The following LRBA variants were observed in gnomAD, a reference collection of about 807,000 sequenced individuals.
LRBA encodes the protein lipopolysaccharide-responsive and beige-like anchor protein.
In LRBA, 176 loss-of-function variants were observed where a neutral mutation model predicts 330.0. The ratio of observed to expected loss-of-function variants is 0.53; its 90% CI spans 0.47 to 0.60. LRBA has a LOEUF of 0.60. LRBA is among the 20% of genes least tolerant of loss of function. The pLI is 0.00. For synonymous variants in LRBA, 1,230 were observed against 1,193.0 expected (o/e 1.03, Z -0.64); for missense variants, 3,259 against 3,444.8 (o/e 0.95, Z 1.35).
chr4:150,930,080 C>T (rs1734314239), intron 2 of LRBA, among the ~76,000 whole-genome samples: 1 of 151,814 alleles, frequency 6.6e-6, no homozygotes, highest in Non-Finnish European at 1.5e-5. Context: ...TTTGGGAGAC[C>T]GAGGCAGGCG....
At chr4:150,867,476 AATT>A (rs1485679302) in intron 22 of LRBA, among the ~76,000 whole-genome samples, 192 bp downstream of exon 22, 3 of 152,206 alleles carry the variant, frequency 2.0e-5, no homozygotes, top group Non-Finnish European at 1.5e-5. Flanking sequence ...CATTAGAAAA[AATT>A]ATTTTGATTC....
chr4:150,531,315 CCAT>C (rs1764032263), intron 40 of LRBA, among the ~76,000 whole-genome samples: 1 of 152,186 alleles, frequency 6.6e-6, no homozygotes, highest in African/African-American at 2.4e-5. Flanking sequence ...TCCAGAAACA[CCAT>C]GTTTCCTTGC....
chr4:150,591,531 G>T (rs999219839), intron 38 of LRBA, among the ~76,000 whole-genome samples: 2 of 152,022 alleles, frequency 1.3e-5, no homozygotes, highest in African/African-American at 4.8e-5. Context: ...AAATATCCAG[G>T]AGCAAGGCGG....
intron 36 of LRBA, 43 bp downstream of exon 36, chr4:150,735,215 A>T: frequency 7.3e-7 from 1 of 1,377,116 alleles, no homozygotes; most frequent in Non-Finnish European, 1.0e-6. Flanking sequence ...GATTATCATT[A>T]AAAAACGGTA....
intron 41 of LRBA, among the ~76,000 whole-genome samples, chr4:150,489,036 T>C (rs1340317094): frequency 1.7e-5 from 2 of 117,392 alleles, no homozygotes; most frequent in Non-Finnish European, 3.3e-5. Context: ...ATATATATTA[T>C]ATATAATATA....
At chr4:150,973,070 G>A (rs1387957096) in intron 2 of LRBA, among the ~76,000 whole-genome samples, 2 of 152,208 alleles carry the variant, frequency 1.3e-5, no homozygotes, top group East Asian at 3.8e-4. Flanking sequence ...AGGATCACTT[G>A]AGGCCAGGAG....
intron 40 of LRBA, among the ~76,000 whole-genome samples, chr4:150,573,224 G>A (rs965615789): frequency 3.9e-5 from 6 of 152,254 alleles, no homozygotes; most frequent in South Asian, 2.1e-4. Context: ...GCACTTTCAC[G>A]CCAACAAGGG....
intron 2 of LRBA, among the ~76,000 whole-genome samples, chr4:150,944,793 T>C (rs2149532388): frequency 6.6e-6 from 1 of 152,328 alleles, no homozygotes; most frequent in East Asian, 1.9e-4. Flanking sequence ...CCAAATCTCA[T>C]CTTGAATTGC....
chr4:150,585,179 A>G (rs1470014969), intron 40 of LRBA, among the ~76,000 whole-genome samples: 2 of 152,182 alleles, frequency 1.3e-5, no homozygotes, highest in Non-Finnish European at 2.9e-5. Context: ...TTTGAGTGAT[A>G]AAAATTTAAC....
At chr4:150,642,819 T>C (rs1778805147) in intron 37 of LRBA, among the ~76,000 whole-genome samples, 1 of 151,862 alleles carries the variant, frequency 6.6e-6, no homozygotes, top group Non-Finnish European at 1.5e-5. Flanking sequence ...ATAGCAAATG[T>C]TGTTTATTAT....
At chr4:150,745,661 A>G (rs1732599055) in intron 35 of LRBA, among the ~76,000 whole-genome samples, 2 of 151,940 alleles carry the variant, frequency 1.3e-5, no homozygotes, top group South Asian at 2.1e-4. Context: ...GATTACAGGC[A>G]CGCACCACCA....
At chr4:150,985,887 T>C (rs1741410873) in intron 2 of LRBA, among the ~76,000 whole-genome samples, 2 of 152,192 alleles carry the variant, frequency 1.3e-5, no homozygotes, top group African/African-American at 4.8e-5. Context: ...AAAATCCAAA[T>C]GATTCTTTAC....
chr4:150,673,704 C>G (rs1782279978), intron 37 of LRBA, among the ~76,000 whole-genome samples: 1 of 152,052 alleles, frequency 6.6e-6, no homozygotes, highest in South Asian at 2.1e-4. Context: ...TATTTATTGA[C>G]TAAGAACAAA....
intron 34 of LRBA, among the ~76,000 whole-genome samples, chr4:150,776,189 C>A (rs532600275): frequency 1.3e-5 from 2 of 152,030 alleles, no homozygotes; most frequent in African/African-American, 4.8e-5. Context: ...CAGTGGTGCA[C>A]GCCTATAATC....
intron 47 of LRBA, among the ~76,000 whole-genome samples, chr4:150,367,528 C>T (rs2151856521): frequency 6.6e-6 from 1 of 152,292 alleles, no homozygotes; most frequent in East Asian, 1.9e-4. Context: ...CACACCCCTC[C>T]CCCAAAAACA....
intron 40 of LRBA, among the ~76,000 whole-genome samples, chr4:150,576,813 C>T (rs1770600657): frequency 1.3e-5 from 2 of 151,878 alleles, no homozygotes; most frequent in Non-Finnish European, 3.0e-5. Flanking sequence ...TTTTTCAGTA[C>T]AGTTTGATAG....
At chr4:150,797,239 G>T (rs1053040500) in intron 34 of LRBA, among the ~76,000 whole-genome samples, 46 of 151,858 alleles carry the variant, frequency 3.0e-4, no homozygotes, top group African/African-American at 1.1e-3. Flanking sequence ...CATTAATTTT[G>T]CATTATCCTT....
At chr4:150,343,088 G>GA (rs1332604513) in intron 48 of LRBA, among the ~76,000 whole-genome samples, 1 of 152,146 alleles carries the variant, frequency 6.6e-6, no homozygotes, top group African/African-American at 2.4e-5. Flanking sequence ...AGGCAATAGT[G>GA]AAAGTTTCAC....
chr4:150,803,616 G>A (rs1182006468), intron 33 of LRBA, among the ~76,000 whole-genome samples: 1 of 152,048 alleles, frequency 6.6e-6, no homozygotes, highest in East Asian at 1.9e-4. Flanking sequence ...GTATTATGCT[G>A]CTTATACAGT....
Sources: allele counts gnomAD v4.1 joint callset (sites outside exome capture counted in the v4.1 genomes callset), GRCh38; gene constraint gnomAD v4.1.1; transcripts MANE v1.5; gene names NCBI Gene and HGNC (gene_info 2026-07-23, HGNC 2026-07-21).